Variants in PDK1 observed in about 807,000 individuals in gnomAD.
The protein encoded by PDK1 is pyruvate dehydrogenase kinase 1.
In PDK1, 39 loss-of-function variants were observed where a neutral mutation model predicts 54.2. That is an observed-to-expected ratio of 0.72 (90% CI 0.56 to 0.94). The LOEUF is 0.94. Ranked by LOEUF, PDK1 falls within the 40% of genes least tolerant of loss-of-function variation. The pLI is 0.00. For synonymous variants in PDK1, 221 were observed against 207.1 expected (o/e 1.07, Z -0.58); for missense variants, 552 against 566.0 (o/e 0.98, Z 0.25).
At chr2:172,560,456 C>T (rs1688596589) in intron 2 of PDK1, among the ~76,000 whole-genome samples, 1 of 152,200 alleles carries the variant, frequency 6.6e-6, no homozygotes. Context: ...ACATGAGCCA[C>T]CGCACCTGGC....
the PDK1 span, among the ~76,000 whole-genome samples, chr2:172,700,834 T>A: frequency 6.6e-6 from 1 of 152,128 alleles, no homozygotes; most frequent in Non-Finnish European, 1.5e-5. Flanking sequence ...AAAACCCGTC[T>A]CCACCAAAAA....
chr2:172,607,960 T>G lies in PDK1; in HGVS notation c.*11991T>G, dbSNP rs980108139. On this transcript the variant is annotated 3_prime_UTR_variant, in exon 11 of 11. Transcript: ENST00000282077. ...CTGTGTTTCAGTGTTAGACTGTAGT[T>G]ATCCAAGCAGTATCAGATAGTGTGC... 9.9e-5 allele frequency: 15 copies of G among 152,230 alleles called. No homozygotes were observed. The highest frequency in any genetic ancestry group is 3.4e-4 in the African/African-American group (14 of 41,464). The allele number at this position is 152,230 out of a possible 1,614,324, so 9.4% of individuals were successfully genotyped here.
intron 8 of PDK1, among the ~76,000 whole-genome samples, chr2:172,584,370 CTG>C (rs926686456): frequency 1.2e-4 from 18 of 149,420 alleles, no homozygotes; most frequent in African/African-American, 3.7e-4. Context: ...TTCTTTGTAA[CTG>C]TTTTTTTTTT....
the PDK1 span, among the ~76,000 whole-genome samples, chr2:172,668,280 T>TA: frequency 1.4e-5 from 1 of 69,860 alleles, no homozygotes; most frequent in African/African-American, 7.1e-5. Flanking sequence ...CTTTCTTTAT[T>TA]TTTTTTTTTT....
chr2:172,557,021 C>A (rs555106110), intron 1 of PDK1, among the ~76,000 whole-genome samples: 9 of 152,286 alleles, frequency 5.9e-5, no homozygotes, highest in Non-Finnish European at 1.2e-4. Flanking sequence ...TCCCACTTCC[C>A]ATGTGAAGGC....
the PDK1 span, among the ~76,000 whole-genome samples, chr2:172,694,982 G>C: frequency 1.3e-5 from 2 of 152,120 alleles, no homozygotes; most frequent in Non-Finnish European, 2.9e-5. Context: ...GCCGGGCATT[G>C]TGGTGTGCAT....
chr2:172,659,336 C>T, the PDK1 span, among the ~76,000 whole-genome samples: 47 of 152,314 alleles, frequency 3.1e-4, 1 homozygote, highest in South Asian at 8.9e-3. Context: ...CAAGTAACTA[C>T]CCTAGCCCAA....
chr2:172,714,133 G>C, the PDK1 span, among the ~76,000 whole-genome samples: 1 of 152,166 alleles, frequency 6.6e-6, no homozygotes, highest in African/African-American at 2.4e-5. Flanking sequence ...CCTTAAAATA[G>C]TTTTGAAAAA....
intron 5 of PDK1, 25 bp downstream of exon 5, chr2:172,565,098 A>C: frequency 7.6e-7 from 1 of 1,310,462 alleles, no homozygotes; most frequent in Non-Finnish European, 1.1e-6. Flanking sequence ...TTCTCCTTGC[A>C]AAAAAAGATA....
the PDK1 span, among the ~76,000 whole-genome samples, chr2:172,665,021 A>G: frequency 1.3e-5 from 2 of 152,182 alleles, no homozygotes; most frequent in Non-Finnish European, 2.9e-5. Flanking sequence ...GGTCTTTGGC[A>G]GGATATTTTG....
the PDK1 span, among the ~76,000 whole-genome samples, chr2:172,645,428 T>C: frequency 6.6e-6 from 1 of 151,956 alleles, no homozygotes; most frequent in Non-Finnish European, 1.5e-5. Flanking sequence ...CCGGCTAATT[T>C]CTGTATTTTT....
downstream of PDK1, among the ~76,000 whole-genome samples, chr2:172,612,526 C>T (rs187838230): frequency 4.6e-5 from 7 of 151,944 alleles, no homozygotes; most frequent in East Asian, 5.8e-4. Context: ...AACACATGGT[C>T]GAAGGTGATA....
At chr2:172,634,487 G>A in the PDK1 span, among the ~76,000 whole-genome samples, 9 of 151,112 alleles carry the variant, frequency 6.0e-5, no homozygotes, top group African/African-American at 2.2e-4. Flanking sequence ...TGACTAAGCT[G>A]GTCTCAAACT....
chr2:172,607,288 C>T lies in PDK1; in HGVS notation c.*11319C>T. The T allele has an allele frequency of 6.6e-6, 1 of 152,100 alleles. No homozygotes were observed. The highest frequency in any genetic ancestry group is 2.1e-4 in the South Asian group (1 of 4,832). 9.4% of individuals were successfully genotyped at this position (152,100 alleles called of 1,614,324 possible). A position where few individuals can be genotyped will look rare whatever the true frequency, so the allele number is the denominator to read the frequency against. On this transcript the variant is annotated 3_prime_UTR_variant, in exon 11 of 11. Coordinates refer to ENST00000282077, the MANE Select transcript of PDK1 (RefSeq NM_002610.5). ...CCTGGGTGACAGAGCGAGGTTGCTT[C>T]TAAAACAAAAATTTGAAATAGTAAG...
chr2:172,700,997 G>GGGGAGA, the PDK1 span, among the ~76,000 whole-genome samples: 1 of 152,120 alleles, frequency 6.6e-6, no homozygotes, highest in African/African-American at 2.4e-5. Context: ...ACCGTGCAAA[G>GGGGAGA]GGGAGAGGGA....
At chr2:172,635,851 C>G in the PDK1 span, among the ~76,000 whole-genome samples, 1 of 152,232 alleles carries the variant, frequency 6.6e-6, no homozygotes, top group Admixed American at 6.5e-5. Flanking sequence ...CAACCAGGCA[C>G]CACCCCAATA....
chr2:172,680,058 C>T, the PDK1 span, among the ~76,000 whole-genome samples: 1 of 152,158 alleles, frequency 6.6e-6, no homozygotes, highest in Non-Finnish European at 1.5e-5. Context: ...ATATCAGGTC[C>T]ATTTTTCTTA....
chr2:172,585,291 G>A (rs999429736), intron 8 of PDK1, among the ~76,000 whole-genome samples: 6 of 148,456 alleles, frequency 4.0e-5, no homozygotes, highest in Middle Eastern at 3.8e-3. Flanking sequence ...GAATCACCAT[G>A]CCCAGCCTAG....
chr2:172,630,414 T>A, the PDK1 span, among the ~76,000 whole-genome samples: 117,126 of 152,094 alleles, frequency 0.77, 45,905 homozygotes, highest in East Asian at 0.98. Flanking sequence ...ATTCAGTTGT[T>A]CAGTTGCACT....
Sources: gnomAD v4.1 joint callset for allele counts (sites outside exome capture counted in the v4.1 genomes callset) on GRCh38, gnomAD v4.1.1 for gene constraint, MANE v1.5 for transcripts, NCBI Gene and HGNC (gene_info 2026-07-23, HGNC 2026-07-21) for gene names.